GOLIM4: variants seen among roughly 807,000 people sequenced by gnomAD.
GOLIM4 encodes the protein golgi integral membrane protein 4, also known as 130 kDa golgi-localized phosphoprotein.
A neutral mutation model predicts 107.4 loss-of-function variants in GOLIM4; 71 were observed. That is an observed-to-expected ratio of 0.66 (90% CI 0.55 to 0.81). The LOEUF (loss-of-function observed/expected upper bound fraction) is 0.81. Among genes scored for constraint, GOLIM4 ranks in the 30% least tolerant of loss-of-function variants. The pLI, the probability that GOLIM4 is intolerant of heterozygous loss-of-function variation, is 0.00. For missense variants in GOLIM4, 830 were observed against 826.1 expected (o/e 1.00, Z -0.06); for synonymous variants, 327 against 294.8 (o/e 1.11, Z -1.12).
intron 8 of GOLIM4, among the ~76,000 whole-genome samples, chr3:168,034,822 C>T (rs1577522437): frequency 6.6e-6 from 1 of 152,158 alleles, no homozygotes; most frequent in African/African-American, 2.4e-5. Flanking sequence ...AGAGGAGTTA[C>T]CCTGCACAAG....
chr3:168,083,778 C>G (rs1434591931), intron 1 of GOLIM4, among the ~76,000 whole-genome samples: 1 of 152,134 alleles, frequency 6.6e-6, no homozygotes, highest in East Asian at 1.9e-4. Flanking sequence ...CTATACTCAC[C>G]TTATGGTAGG....
At chr3:168,024,647 TA>T in intron 13 of GOLIM4, 53 bp from the exon 14 acceptor site, 1 of 1,364,772 alleles carries the variant, frequency 7.3e-7, no homozygotes, top group Admixed American at 1.7e-5. Context: ...AGATGCCTTT[TA>T]CACAGTACTC....
chr3:168,013,856 A>C lies in GOLIM4; in HGVS notation c.1861-3033T>G, dbSNP rs1289778606. 4.6e-3 allele frequency among the ~76,000 whole-genome samples: 692 copies of C among 151,546 alleles called. 4 individuals carry two copies. Among genetic ancestry groups the C allele is most frequent in the African/African-American group, 0.016 (668 of 40,904 alleles). The stretch of plus-strand genomic sequence containing the variant: ...TTCAAACCAACGAGAACAAAGACAC[A>C]ACATACCAGAATCTCTGGGACGCAT... On this transcript the variant is annotated intron_variant, in intron 14 of 15. Transcript: ENST00000470487.
intron 1 of GOLIM4, among the ~76,000 whole-genome samples, chr3:168,071,541 G>A (rs953460255): frequency 6.6e-6 from 1 of 151,274 alleles, no homozygotes; most frequent in Non-Finnish European, 1.5e-5. Context: ...TTTCCCCGGC[G>A]CCCCCCTACC....
At chr3:168,012,182 A>G (rs1717081994) in intron 14 of GOLIM4, among the ~76,000 whole-genome samples, 1 of 129,894 alleles carries the variant, frequency 7.7e-6, no homozygotes, top group Non-Finnish European at 1.5e-5. Flanking sequence ...ACCAATACAG[A>G]GAAGTGCTTA....
chr3:168,029,844 C>A lies in GOLIM4; in HGVS notation c.1369G>T (p.Glu457Ter). Residue 457 changes from glutamate (E) to a stop codon, truncating the protein, a stop_gained, in exon 10 of 16, where the codon GAG becomes TAG. Transcript: ENST00000470487. LOFTEE classifies it high-confidence loss of function. ...TCAGCCTGCCTCTGCAGGGCCATCTCTCTTGCCACCTGCTGCTGCTGCTGT... is the reference window on the plus strand; with the variant it reads ...TCAGCCTGCCTCTGCAGGGCCATCTATCTTGCCACCTGCTGCTGCTGCTGT... Reference protein sequence around the residue: ...QEQQQQQVAREMALQRQAELE... With the variant: ...QEQQQQQVAR The A allele has an allele frequency of 6.2e-7, 1 of 1,614,166 alleles. No individual in the cohort carries two copies. Among genetic ancestry groups the A allele is most frequent in the South Asian group, 1.1e-5 (1 of 91,068 alleles).
At chr3:168,021,365 T>G (rs1214658873) in intron 14 of GOLIM4, among the ~76,000 whole-genome samples, 1 of 152,094 alleles carries the variant, frequency 6.6e-6, no homozygotes, top group Non-Finnish European at 1.5e-5. Flanking sequence ...GAGAGTTTCT[T>G]CCAATCGAAA....
rs1374510975 is a variant in GOLIM4 at position 168,036,925 on chromosome 3, G to A, written c.754C>T (p.Pro252Ser). Residue 252 changes from proline (P) to serine (S), a missense_variant, in exon 8 of 16, where the codon CCA becomes TCA. By Grantham distance (74) the Pro-to-Ser change is moderately conservative (BLOSUM62 -1). Transcript: ENST00000470487. ...NRIPSLRKPDPAEQQNVTQVA... is the reference protein window; with the variant it reads ...NRIPSLRKPDSAEQQNVTQVA... ...TGGGTCACATTTTGCTGTTCTGCTGGATCAGGTTTTCGAAGGCTTGGAATC... is the reference window on the plus strand; with the variant it reads ...TGGGTCACATTTTGCTGTTCTGCTGAATCAGGTTTTCGAAGGCTTGGAATC... The A allele has an allele frequency of 1.3e-6, 2 of 1,592,282 alleles. No homozygotes were observed. Among genetic ancestry groups the A allele is most frequent in the Non-Finnish European group, 1.7e-6 (2 of 1,167,856 alleles).
intron 12 of GOLIM4, among the ~76,000 whole-genome samples, chr3:168,026,564 T>C (rs533815801): frequency 6.6e-6 from 1 of 152,276 alleles, no homozygotes; most frequent in African/African-American, 2.4e-5. Flanking sequence ...AAGGATCATA[T>C]AGTCAAGAAA....
intron 1 of GOLIM4, among the ~76,000 whole-genome samples, chr3:168,080,556 C>G (rs1721304038): frequency 6.6e-6 from 1 of 152,152 alleles, no homozygotes; most frequent in Admixed American, 6.5e-5. Flanking sequence ...TTAAGGCTTA[C>G]TTTCTTCATT....
intron 14 of GOLIM4, among the ~76,000 whole-genome samples, chr3:168,013,398 G>C: frequency 6.6e-6 from 1 of 151,938 alleles, no homozygotes; most frequent in East Asian, 1.9e-4. Flanking sequence ...AGCAAATCCT[G>C]AGTGACCTAC....
chr3:168,027,581 C>T, intron 12 of GOLIM4, 147 bp downstream of exon 12: 2 of 634,380 alleles, frequency 3.2e-6, no homozygotes, highest in Non-Finnish European at 5.7e-6. Context: ...AAACACTGCC[C>T]ATATATAATT....
intron 14 of GOLIM4, among the ~76,000 whole-genome samples, chr3:168,011,853 C>T (rs1309750580): frequency 7.4e-6 from 1 of 135,084 alleles, no homozygotes; most frequent in Admixed American, 7.0e-5. Context: ...AGAAGGAAAA[C>T]TAACAAACAG....
intron 1 of GOLIM4, among the ~76,000 whole-genome samples, chr3:168,058,169 T>C (rs755878003): frequency 1.3e-5 from 2 of 152,244 alleles, no homozygotes; most frequent in Non-Finnish European, 2.9e-5. Context: ...ACAATAAAGT[T>C]ACTGTAATAG....
At chr3:168,051,173 G>A (rs890574486) in intron 1 of GOLIM4, among the ~76,000 whole-genome samples, 1 of 152,072 alleles carries the variant, frequency 6.6e-6, no homozygotes, top group East Asian at 1.9e-4. Context: ...GAGAATGGAG[G>A]CTCTGCTAGA....
intron 10 of GOLIM4, 127 bp downstream of exon 10, chr3:168,029,653 G>T: frequency 1.0e-6 from 1 of 1,002,926 alleles, no homozygotes; most frequent in Non-Finnish European, 1.5e-6. Flanking sequence ...TAGCTGTCCT[G>T]CCTTGGCTAT....
chr3:168,039,762 C>A (rs1335239853), intron 7 of GOLIM4, among the ~76,000 whole-genome samples: 1 of 152,002 alleles, frequency 6.6e-6, no homozygotes, highest in Non-Finnish European at 1.5e-5. Flanking sequence ...TGAAGAACAG[C>A]CTCATATAAA....
chr3:168,068,585 C>T (rs964583807), intron 1 of GOLIM4, among the ~76,000 whole-genome samples: 1 of 151,232 alleles, frequency 6.6e-6, no homozygotes, highest in Non-Finnish European at 1.5e-5. Context: ...TTTTTTAATA[C>T]TAAAAAGGGA....
At position 168,027,824 on chromosome 3, in the gene GOLIM4, GTC is replaced by G. The variant is rs759160961; in HGVS notation, c.1525_1526del (p.Asp509GlnfsTer6). ...CTTCTGCTTCATCTTGGTGCTGGTT[GTC>G]TCTTTCATAGGCTAGCAAATCAAAG... ...IQGEEGAYER[D>X]NQHQDEAEGD... On this transcript the variant is annotated frameshift_variant, in exon 12 of 16. Transcript: ENST00000470487. LOFTEE classifies it high-confidence loss of function. 1 of 1,608,682 alleles carries G rather than the reference GTC, an allele frequency of 6.2e-7. No individual in the cohort carries two copies.
Sources: gnomAD v4.1 joint callset for allele counts (sites outside exome capture counted in the v4.1 genomes callset) on GRCh38, gnomAD v4.1.1 for gene constraint, MANE v1.5 for transcripts, NCBI Gene and HGNC (gene_info 2026-07-23, HGNC 2026-07-21) for gene names.